Variants in MSH3 observed in about 807,000 individuals in gnomAD.
MSH3 encodes the protein mutS homolog 3.
Under a neutral mutation model 123.3 loss-of-function variants are expected in MSH3, and 106 were observed. The ratio of observed to expected loss-of-function variants is 0.86; its 90% confidence interval spans 0.73 to 1.01. The LOEUF is 1.01. Ranked by LOEUF, MSH3 falls within the 50% of genes least tolerant of loss-of-function variation. MSH3 has a pLI of 0.00. For synonymous variants in MSH3, 515 were observed against 481.4 expected (o/e 1.07, Z -0.91); for missense variants, 1,459 against 1,347.6 (o/e 1.08, Z -1.29).
intron 19 of MSH3, among the ~76,000 whole-genome samples, chr5:80,795,993 AAAG>A (rs1344300313): frequency 6.6e-6 from 1 of 152,158 alleles, no homozygotes; most frequent in African/African-American, 2.4e-5. Flanking sequence ...AAAAAAAAAA[AAAG>A]AAGACTATGT....
chr5:80,849,819 G>A (rs1294035915), intron 20 of MSH3, among the ~76,000 whole-genome samples: 3 of 151,994 alleles, frequency 2.0e-5, no homozygotes, highest in African/African-American at 7.3e-5. Flanking sequence ...ATTGTCTTGG[G>A]GATTAACATT....
chr5:80,690,342 C>G (rs1750200354), intron 8 of MSH3, among the ~76,000 whole-genome samples: 1 of 152,090 alleles, frequency 6.6e-6, no homozygotes, highest in African/African-American at 2.4e-5. Context: ...AAGTCTTGCT[C>G]TGTCACCCAG....
At chr5:80,670,723 T>C (rs535975801) in intron 4 of MSH3, among the ~76,000 whole-genome samples, 1 of 152,334 alleles carries the variant, frequency 6.6e-6, no homozygotes, top group African/African-American at 2.4e-5. Context: ...GGAACAAAGT[T>C]AAGTCTCAAT....
At chr5:80,751,401 AC>A (rs1228269247) in intron 12 of MSH3, among the ~76,000 whole-genome samples, 1 of 152,176 alleles carries the variant, frequency 6.6e-6, no homozygotes, top group African/African-American at 2.4e-5. Context: ...CAAACCCGAT[AC>A]AAACAAGCAA....
In MSH3 at chr5:80,741,548, G is replaced by C. The variant is rs1334302617; in HGVS notation, c.1653G>C (p.Gln551His). The C allele has an allele frequency of 3.7e-6, 6 of 1,604,584 alleles. No individual in the cohort carries two copies. The highest frequency in any genetic ancestry group is 5.1e-6 in the Non-Finnish European group (6 of 1,171,402). ...TLRNLEILQN[Q>H]TDMKTKGSLL... Reference sequence around the variant, plus strand: ...GGAATCTGGAAATCCTACAGAATCAGGTCAGGCAAATACAAGGGCTAGTTG... The same window carrying C: ...GGAATCTGGAAATCCTACAGAATCACGTCAGGCAAATACAAGGGCTAGTTG... The change falls in exon 11 of 24, where the codon CAG becomes CAC. Residue 551 changes from glutamine to histidine, a missense_variant and splice_region_variant. Transcript: ENST00000265081.
At chr5:80,789,937 TAACGC>T (rs1236976699) in intron 18 of MSH3, among the ~76,000 whole-genome samples, 1 of 152,188 alleles carries the variant, frequency 6.6e-6, no homozygotes, top group Non-Finnish European at 1.5e-5. Flanking sequence ...AACAATGGGA[TAACGC>T]TGTTTACCTG....
At chr5:80,656,208 CCTGA>C (rs1475417703) in intron 1 of MSH3, among the ~76,000 whole-genome samples, 199 bp from the exon 2 acceptor site, 2 of 152,156 alleles carry the variant, frequency 1.3e-5, no homozygotes, top group Admixed American at 6.5e-5. Flanking sequence ...TGCTGAGGCT[CCTGA>C]CTATCAGACT....
chr5:80,806,756 A>G (rs1259539862), intron 19 of MSH3, among the ~76,000 whole-genome samples: 1 of 152,180 alleles, frequency 6.6e-6, no homozygotes, highest in Non-Finnish European at 1.5e-5. Context: ...ATTGGGGGAA[A>G]AAAATTGAGA....
chr5:80,801,930 C>T (rs1744796601), intron 19 of MSH3, among the ~76,000 whole-genome samples: 1 of 152,174 alleles, frequency 6.6e-6, no homozygotes, highest in Non-Finnish European at 1.5e-5. Context: ...TATTTTCACA[C>T]TCTGTTATTT....
intron 22 of MSH3, among the ~76,000 whole-genome samples, chr5:80,868,343 C>T (rs1479833828): frequency 2.6e-5 from 4 of 151,726 alleles, no homozygotes; most frequent in Non-Finnish European, 5.9e-5. Context: ...GCACTATTCA[C>T]AGTAGCAAGA....
Position 80,654,751 on chromosome 5 carries a change from G to A in MSH3, c.24G>A (p.Ser8=), listed in dbSNP as rs1320023097. The change falls in exon 1 of 24, where the codon TCG becomes TCA. Residue 8 remains serine (S), a synonymous_variant. Transcript: ENST00000265081. ...CCATGTCTCGCCGGAAGCCTGCGTC[G>A]GGCGGCCTCGCTGCCTCCAGCTCAG... MSRRKPA[S]GGLAASSSAP... is the part of the protein sequence containing the mutation. 6.2e-7 allele frequency: 1 copy of A among 1,601,988 alleles called. No individual in the cohort carries two copies. Among genetic ancestry groups the A allele is most frequent in the Non-Finnish European group, 8.5e-7 (1 of 1,175,856 alleles).
intron 20 of MSH3, among the ~76,000 whole-genome samples, chr5:80,848,934 C>T (rs2112100292): frequency 6.6e-6 from 1 of 152,328 alleles, no homozygotes; most frequent in South Asian, 2.1e-4. Flanking sequence ...TCCAAAGTCT[C>T]ATCCAGGACA....
chr5:80,864,750 A>G (rs1438981780), intron 21 of MSH3, 63 bp from the exon 22 acceptor site: 1 of 1,455,110 alleles, frequency 6.9e-7, no homozygotes, highest in Non-Finnish European at 9.5e-7. Flanking sequence ...AAAGTGGAAG[A>G]CAGATTTTAA....
intron 12 of MSH3, among the ~76,000 whole-genome samples, chr5:80,760,437 T>C (rs367840380): frequency 4.6e-5 from 7 of 152,288 alleles, no homozygotes; most frequent in African/African-American, 1.7e-4. Flanking sequence ...GTTGGTAAAA[T>C]CCCGCAGCAC....
chr5:80,871,656 A>G (rs573228037), intron 22 of MSH3, among the ~76,000 whole-genome samples: 1 of 152,290 alleles, frequency 6.6e-6, no homozygotes, highest in South Asian at 2.1e-4. Flanking sequence ...AGCCCACAAC[A>G]TGGCGGCTGG....
In MSH3 at chr5:80,827,782, T is replaced by C. The variant is rs533360560; in HGVS notation, c.2813+14041T>C. ...CTCAAAGTCACCTGAAGGTTTGGTTTGATTTGGTTTTAAATGCAAATCCCA... is the reference window on the plus strand; with the variant it reads ...CTCAAAGTCACCTGAAGGTTTGGTTCGATTTGGTTTTAAATGCAAATCCCA... On this transcript the variant is annotated intron_variant, in intron 20 of 23. Coordinates refer to ENST00000265081, the MANE Select transcript of MSH3 (RefSeq NM_002439.5). Among the ~76,000 whole-genome samples, 5 of 152,366 alleles carry C rather than the reference T, an allele frequency of 3.3e-5. No homozygotes were observed. In the South Asian group the frequency reaches 1.0e-3, roughly 32 times the overall value.
chr5:80,746,046 A>G (rs1743713173), intron 12 of MSH3, among the ~76,000 whole-genome samples: 1 of 152,138 alleles, frequency 6.6e-6, no homozygotes, highest in Non-Finnish European at 1.5e-5. Context: ...ATCTAGGCAG[A>G]CATCACTTTA....
chr5:80,682,718 G>A (rs1749999187), intron 8 of MSH3, among the ~76,000 whole-genome samples: 1 of 152,136 alleles, frequency 6.6e-6, no homozygotes, highest in Admixed American at 6.5e-5. Context: ...TATCCTTTGT[G>A]TTACAAACAA....
At chr5:80,756,692 A>G (rs1033001529) in intron 12 of MSH3, among the ~76,000 whole-genome samples, 2 of 152,184 alleles carry the variant, frequency 1.3e-5, no homozygotes, top group African/African-American at 2.4e-5. Context: ...AAGTTTTACT[A>G]TTCATCACTA....
Sources: allele counts gnomAD v4.1 joint callset (sites outside exome capture counted in the v4.1 genomes callset), GRCh38; gene constraint gnomAD v4.1.1; transcripts MANE v1.5; gene names NCBI Gene and HGNC (gene_info 2026-07-23, HGNC 2026-07-21).